Variants in DDHD1 observed in about 807,000 individuals in gnomAD.
The protein encoded by DDHD1 is phospholipase DDHD1.
In DDHD1, 49 loss-of-function variants were observed where a neutral mutation model predicts 96.4. The observed-to-expected ratio is 0.51, with a 90% CI of 0.40 to 0.64. The LOEUF (loss-of-function observed/expected upper bound fraction) is 0.64, where lower values mean the gene tolerates loss of function less well. Among genes scored for constraint, DDHD1 ranks in the 30% least tolerant of loss-of-function variants. The pLI is 0.00. For synonymous variants in DDHD1, 442 were observed against 446.5 expected, an observed-to-expected ratio of 0.99 and a Z score of 0.13; for missense variants, 1,106 against 1,161.2, an observed-to-expected ratio of 0.95 and a Z score of 0.69.
Position 53,073,807 on chromosome 14 carries a change from A to G in DDHD1, c.1330T>C (p.Ser444Pro), listed in dbSNP as rs1350694344. Residue 444 changes from serine (S) to proline (P), a missense_variant, in exon 5 of 13, where the codon TCC (serine) becomes CCC (proline). By Grantham distance (74) the Ser-to-Pro change is moderately conservative (BLOSUM62 -1). Transcript: ENST00000673822. ...AARKIEERHF[S>P]NHATHVEFLP... ...AATTCAACATGTGTTGCATGGTTGG[A>G]AAAATGCCTTTCTTCTATTTTTCTT... 2 of 1,610,776 alleles carry G rather than the reference A, an allele frequency of 1.2e-6. No individual in the cohort carries two copies.
chr14:53,109,236 A>G (rs989020939), intron 1 of DDHD1, among the ~76,000 whole-genome samples: 43 of 152,124 alleles, frequency 2.8e-4, no homozygotes, highest in African/African-American at 1.0e-3. Context: ...TCTAGGAGCA[A>G]TGCTACTCTG....
chr14:53,037,076 A>T lies in DDHD1; in HGVS notation c.*9692T>A, dbSNP rs1433186671. ...TGCTTAGATTATGGCTTCCAGCTGTATCCATGTGGCTGGCTGCAAAGGACA... is the reference window on the plus strand; with the variant it reads ...TGCTTAGATTATGGCTTCCAGCTGTTTCCATGTGGCTGGCTGCAAAGGACA... On this transcript the variant is annotated 3_prime_UTR_variant, in exon 13 of 13. Coordinates refer to ENST00000673822, the MANE Select transcript of DDHD1 (RefSeq NM_001160148.2). The T allele has an allele frequency of 1.3e-5, 2 of 152,122 alleles. No individual in the cohort carries two copies. The highest frequency in any genetic ancestry group is 1.5e-5 in the Non-Finnish European group (1 of 68,002). The allele number at this position is 152,122 out of a possible 1,614,324, so 9.4% of individuals were successfully genotyped here.
chr14:53,152,869 T>C lies in DDHD1; in HGVS notation c.230A>G (p.His77Arg). The change falls in exon 1 of 13, where the codon CAC becomes CGC. Residue 77 changes from histidine to arginine, a missense_variant. This residue lies in a region of DDHD1 where 456 missense variants were observed against 402.4 expected (regional missense o/e 1.13). Coordinates refer to ENST00000673822, the MANE Select transcript of DDHD1 (RefSeq NM_001160148.2). ...LAPGTDDHNH[H>R]LALDPCLSDE... is the part of the protein sequence containing the mutation. ...ACTGAGGCAGGGGTCCAGCGCGAGG[T>C]GGTGGTTGTGGTCGTCGGTGCCCGG... 1.2e-6 allele frequency: 2 copies of C among 1,609,762 alleles called. No individual in the cohort carries two copies. The highest frequency in any genetic ancestry group is 1.7e-6 in the Non-Finnish European group (2 of 1,178,582).
rs1241758657 is a variant in DDHD1 at position 53,061,183 on chromosome 14, T to C, written c.1785A>G (p.Glu595=). The change falls in exon 8 of 13, where the codon GAA becomes GAG. Residue 595 remains glutamate (E), a synonymous_variant. Coordinates refer to ENST00000673822, the MANE Select transcript of DDHD1 (RefSeq NM_001160148.2). The part of the protein sequence containing the change: ...ITKRRLKEIE[E]RLHGLKASSM... ...ATGATGCTTTCAATCCGTGAAGCCG[T>C]TCTTCTATTTCCTTCAGCCTAAGAA... 1.2e-6 allele frequency: 2 copies of C among 1,610,380 alleles called. No homozygotes were observed. Among genetic ancestry groups the C allele is most frequent in the Non-Finnish European group, 1.7e-6 (2 of 1,178,718 alleles).
At chr14:53,061,635 T>A (rs1279465522) in intron 7 of DDHD1, among the ~76,000 whole-genome samples, 1 of 152,182 alleles carries the variant, frequency 6.6e-6, no homozygotes, top group Non-Finnish European at 1.5e-5. Context: ...AACCATATAG[T>A]CTAACCCTTC....
At chr14:53,065,044 T>C (rs1883904962) in intron 6 of DDHD1, among the ~76,000 whole-genome samples, 3 of 152,202 alleles carry the variant, frequency 2.0e-5, no homozygotes, top group Admixed American at 2.0e-4. Context: ...TACTGTGATC[T>C]TAACTTTATT....
At chr14:53,074,211 A>T (rs754370426) in intron 4 of DDHD1, among the ~76,000 whole-genome samples, 1 of 151,922 alleles carries the variant, frequency 6.6e-6, no homozygotes, top group African/African-American at 2.4e-5. Flanking sequence ...TGCTCTCTTC[A>T]TCCTTTCCAT....
intron 1 of DDHD1, among the ~76,000 whole-genome samples, chr14:53,108,686 G>A (rs1887883196): frequency 6.6e-6 from 1 of 152,186 alleles, no homozygotes; most frequent in Non-Finnish European, 1.5e-5. Context: ...CTATAAAGCT[G>A]GATTACTGTA....
intron 2 of DDHD1, among the ~76,000 whole-genome samples, chr14:53,098,910 C>T (rs937869569): frequency 3.3e-5 from 5 of 151,948 alleles, no homozygotes; most frequent in African/African-American, 7.2e-5. Flanking sequence ...TCAGGTCTTG[C>T]GTTCTTAAAC....
chr14:53,088,190 C>T (rs1886142705), intron 4 of DDHD1, among the ~76,000 whole-genome samples: 1 of 151,908 alleles, frequency 6.6e-6, no homozygotes, highest in Non-Finnish European at 1.5e-5. Flanking sequence ...ACCTACCAAC[C>T]AAAAAAAGTC....
Position 53,046,764 on chromosome 14 carries a change from GA to G in DDHD1, c.*3del. The G allele has an allele frequency of 1.3e-6, 2 of 1,581,876 alleles. No individual in the cohort carries two copies. Among genetic ancestry groups the G allele is most frequent in the South Asian group, 1.2e-5 (1 of 85,270 alleles). On this transcript the variant is annotated 3_prime_UTR_variant, in exon 13 of 13. Transcript: ENST00000673822. Reference sequence around the variant, plus strand: ...TTTAGGCCATTCATGTCCTTCAAGAGAGTTCAGATTGGATCTAAATTGGGTT... The same window carrying G: ...TTTAGGCCATTCATGTCCTTCAAGAGGTTCAGATTGGATCTAAATTGGGTT...
At chr14:53,056,202 T>C (rs1276541506) in intron 9 of DDHD1, among the ~76,000 whole-genome samples, 1 of 152,168 alleles carries the variant, frequency 6.6e-6, no homozygotes, top group Non-Finnish European at 1.5e-5. Context: ...ATTTTAGTCT[T>C]AGGAGCAAAG....
chr14:53,088,649 T>A (rs1438343479), intron 4 of DDHD1, among the ~76,000 whole-genome samples: 3 of 152,172 alleles, frequency 2.0e-5, no homozygotes, highest in African/African-American at 4.8e-5. Flanking sequence ...CTCAATAAAC[T>A]AGGTATTGAT....
chr14:53,111,843 G>A (rs1182215900), intron 1 of DDHD1, among the ~76,000 whole-genome samples: 3 of 152,150 alleles, frequency 2.0e-5, no homozygotes, highest in Admixed American at 2.0e-4. Context: ...ATGTAATATT[G>A]TGGATAATTA....
At chr14:53,152,136 GCCC>G in intron 1 of DDHD1, 122 bp downstream of exon 1, 2 of 962,962 alleles carry the variant, frequency 2.1e-6, no homozygotes, top group Non-Finnish European at 2.9e-6. Context: ...TCTCCATCCT[GCCC>G]CAGCCAAACG....
At chr14:53,049,997 C>T (rs1259358894) in intron 12 of DDHD1, among the ~76,000 whole-genome samples, 1 of 152,124 alleles carries the variant, frequency 6.6e-6, no homozygotes, top group East Asian at 1.9e-4. Flanking sequence ...CAGTAGCGTG[C>T]TTTCATCAGA....
Position 53,058,645 on chromosome 14 carries a change from C to T in DDHD1, c.1843-19G>A. The T allele has an allele frequency of 6.4e-7, 1 of 1,573,158 alleles. No individual in the cohort carries two copies. The highest frequency in any genetic ancestry group is 8.6e-7 in the Non-Finnish European group (1 of 1,160,940). The stretch of plus-strand genomic sequence containing the variant: ...TCTCAACCTAAAATGATAAAGTCAT[C>T]TTAAAGTTTAAAAATGGTGAAGTGT... On this transcript the variant is annotated intron_variant, in intron 8 of 12. Coordinates refer to ENST00000673822, the MANE Select transcript of DDHD1 (RefSeq NM_001160148.2).
At chr14:53,058,343 G>A (rs1435806933) in intron 9 of DDHD1, 134 bp downstream of exon 9, 1 of 969,238 alleles carries the variant, frequency 1.0e-6, no homozygotes, top group Non-Finnish European at 1.5e-6. Context: ...TTGAACTCCT[G>A]ACCTCAGATG....
At chr14:53,128,427 T>C (rs1468563973) in intron 1 of DDHD1, among the ~76,000 whole-genome samples, 2 of 152,184 alleles carry the variant, frequency 1.3e-5, no homozygotes, top group Non-Finnish European at 2.9e-5. Context: ...TTCTGGTTCA[T>C]TGTGCCTTCT....
Sources: gnomAD v4.1 joint callset for allele counts (sites outside exome capture counted in the v4.1 genomes callset) on GRCh38, gnomAD v4.1.1 for gene constraint, gnomAD v4.1.1 regional missense constraint, MANE v1.5 for transcripts, NCBI Gene and HGNC (gene_info 2026-07-23, HGNC 2026-07-21) for gene names.